SYT1: variants seen among roughly 807,000 people sequenced by gnomAD.
The protein encoded by SYT1 is synaptotagmin-1.
A neutral mutation model predicts 44.8 loss-of-function variants in SYT1; 8 were observed. That is an observed-to-expected ratio of 0.18 (90% CI 0.10 to 0.32). The LOEUF (loss-of-function observed/expected upper bound fraction) is 0.32. Ranked by LOEUF, SYT1 falls within the 10% of genes least tolerant of loss-of-function variation. The pLI is 1.00. For synonymous variants in SYT1, 154 were observed against 188.8 expected, an observed-to-expected ratio of 0.82 and a Z score of 1.51; for missense variants, 286 against 509.3, an observed-to-expected ratio of 0.56 and a Z score of 4.22.
At chr12:78,872,029 T>C (rs944821515) in intron 1 of SYT1, among the ~76,000 whole-genome samples, 3 of 151,922 alleles carry the variant, frequency 2.0e-5, no homozygotes, top group Non-Finnish European at 4.4e-5. Context: ...GTTAAAAGCT[T>C]AGTTAACAAT....
intron 1 of SYT1, among the ~76,000 whole-genome samples, chr12:78,972,370 A>C (rs1868439305): frequency 6.6e-6 from 1 of 152,018 alleles, no homozygotes; most frequent in African/African-American, 2.4e-5. Flanking sequence ...GCCAAGGTTC[A>C]CTGAATCTTT....
intron 4 of SYT1, among the ~76,000 whole-genome samples, chr12:79,247,364 G>T (rs190678843): frequency 6.6e-6 from 1 of 152,200 alleles, no homozygotes; most frequent in East Asian, 1.9e-4. Context: ...GGCAGGGAAG[G>T]CTTTTCTTAT....
chr12:79,069,576 A>G (rs1259109473), intron 3 of SYT1, among the ~76,000 whole-genome samples: 1 of 151,808 alleles, frequency 6.6e-6, no homozygotes, highest in African/African-American at 2.4e-5. Flanking sequence ...TCAAAATTTT[A>G]AAAATATAAA....
intron 1 of SYT1, among the ~76,000 whole-genome samples, chr12:78,935,184 G>T (rs1454673624): frequency 1.3e-5 from 2 of 152,212 alleles, no homozygotes; most frequent in African/African-American, 4.8e-5. Flanking sequence ...GGTGTCTGGA[G>T]ATGGCTGCAG....
intron 3 of SYT1, among the ~76,000 whole-genome samples, chr12:79,127,430 A>G (rs1868509791): frequency 6.6e-6 from 1 of 152,256 alleles, no homozygotes. Context: ...GCTTAGTCAT[A>G]TTTAAGAGCA....
At chr12:79,396,068 T>C (rs1565940918) in intron 9 of SYT1, among the ~76,000 whole-genome samples, 1 of 152,190 alleles carries the variant, frequency 6.6e-6, no homozygotes, top group African/African-American at 2.4e-5. Flanking sequence ...TACAAAATTA[T>C]CTATAACCAT....
intron 3 of SYT1, among the ~76,000 whole-genome samples, chr12:79,207,613 A>G (rs7134530): frequency 0.76 from 115,582 of 152,070 alleles, 44,780 homozygotes; most frequent in African/African-American, 0.91. Context: ...AGAACATGCA[A>G]TGAAAAACAA....
intron 3 of SYT1, among the ~76,000 whole-genome samples, chr12:79,149,333 T>G (rs559124046): frequency 6.6e-6 from 1 of 152,104 alleles, no homozygotes; most frequent in East Asian, 1.9e-4. Flanking sequence ...GAGGTGAAAT[T>G]TCAAATGAAA....
At chr12:79,308,651 AG>A (rs1428766125) in intron 8 of SYT1, among the ~76,000 whole-genome samples, 3 of 117,682 alleles carry the variant, frequency 2.5e-5, no homozygotes, top group African/African-American at 9.9e-5. Context: ...AAAGAAAGAA[AG>A]AAAGAAAAGA....
At chr12:79,165,169 G>T (rs775200390) in intron 3 of SYT1, among the ~76,000 whole-genome samples, 1 of 151,858 alleles carries the variant, frequency 6.6e-6, no homozygotes, top group Non-Finnish European at 1.5e-5. Flanking sequence ...AGAGAAGCTT[G>T]CTCTGGGTGA....
intron 2 of SYT1, among the ~76,000 whole-genome samples, chr12:78,992,373 A>G (rs541796356): frequency 6.6e-6 from 1 of 152,344 alleles, no homozygotes; most frequent in Admixed American, 6.5e-5. Context: ...GCATGAGGCT[A>G]TATTAAGATA....
intron 9 of SYT1, among the ~76,000 whole-genome samples, chr12:79,375,878 TA>T (rs1366065484): frequency 6.6e-6 from 1 of 152,180 alleles, no homozygotes; most frequent in Admixed American, 6.5e-5. Context: ...CTCACAATGA[TA>T]AAGCCAACCA....
intron 7 of SYT1, 142 bp from the exon 8 acceptor site, chr12:79,299,242 T>C: frequency 1.1e-6 from 1 of 898,584 alleles, no homozygotes; most frequent in Non-Finnish European, 1.7e-6. Context: ...GTCAAAAGTC[T>C]GAATTTAAAA....
At chr12:79,301,602 A>G (rs560089518) in intron 8 of SYT1, among the ~76,000 whole-genome samples, 1 of 152,230 alleles carries the variant, frequency 6.6e-6, no homozygotes, top group South Asian at 2.1e-4. Context: ...TCACTAAGTG[A>G]GAGGTCTCTC....
intron 3 of SYT1, among the ~76,000 whole-genome samples, chr12:79,210,829 A>G (rs1380737069): frequency 1.3e-5 from 2 of 152,134 alleles, no homozygotes; most frequent in Non-Finnish European, 2.9e-5. Context: ...ATACCTTCAT[A>G]TCTTTTCTAC....
chr12:79,039,461 T>C (rs1161883317), intron 2 of SYT1, among the ~76,000 whole-genome samples: 1 of 151,954 alleles, frequency 6.6e-6, no homozygotes, highest in Non-Finnish European at 1.5e-5. Flanking sequence ...CACTTTCTCC[T>C]CTAAAATAAA....
chr12:78,887,815 C>G lies in SYT1; in HGVS notation c.-217+22706C>G, dbSNP rs138215211. 4.7e-3 allele frequency among the ~76,000 whole-genome samples: 713 copies of G among 151,828 alleles called. 5 individuals carry two copies. The highest frequency in any genetic ancestry group is 0.016 in the African/African-American group (679 of 41,456). On this transcript the variant is annotated intron_variant, in intron 1 of 10. Transcript: ENST00000261205. ...CTAAAATATAATTTCAATATCTAGC[C>G]CTTTCTTTAGAAGAAATTGATTATT...
chr12:79,148,561 T>C (rs1486879361), intron 3 of SYT1, among the ~76,000 whole-genome samples: 1 of 152,132 alleles, frequency 6.6e-6, no homozygotes, highest in Non-Finnish European at 1.5e-5. Flanking sequence ...ATAAAGAGTA[T>C]TGTAATGCTC....
chr12:79,308,593 AG>A (rs1218659982), intron 8 of SYT1, among the ~76,000 whole-genome samples: 31 of 87,346 alleles, frequency 3.5e-4, no homozygotes, highest in African/African-American at 1.1e-3. Flanking sequence ...AAAAGAAAGA[AG>A]AAAGAAAGAA....
Sources: gnomAD v4.1 joint callset for allele counts (sites outside exome capture counted in the v4.1 genomes callset) on GRCh38, gnomAD v4.1.1 for gene constraint, MANE v1.5 for transcripts, NCBI Gene and HGNC (gene_info 2026-07-23, HGNC 2026-07-21) for gene names.